Variants in AHRR observed in about 807,000 individuals in gnomAD.
AHRR encodes the protein aryl hydrocarbon receptor repressor.
AHRR carries 28 observed loss-of-function variants against 44.0 expected under a neutral mutation model. That is an observed-to-expected ratio of 0.64 (90% CI 0.47 to 0.87). AHRR has a LOEUF of 0.87. AHRR is among the 40% of genes least tolerant of loss of function. The pLI, the probability that AHRR is intolerant of heterozygous loss-of-function variation, is 0.00. For synonymous variants in AHRR, 434 were observed against 407.0 expected (o/e 1.07, Z -0.80); for missense variants, 990 against 953.9 (o/e 1.04, Z -0.50).
Position 400,146 on chromosome 5 carries a change from G to A in AHRR, c.352-13198G>A, listed in dbSNP as rs927181238. Among the ~76,000 whole-genome samples the A allele has an allele frequency of 5.7e-4, 87 of 152,230 alleles. 4 individuals carry two copies. The highest frequency in any genetic ancestry group is 2.9e-5 in the Non-Finnish European group (2 of 68,040). On this transcript the variant is annotated intron_variant, in intron 4 of 10. Coordinates refer to ENST00000684583, the MANE Select transcript of AHRR (RefSeq NM_001377236.1). Reference sequence around the variant, plus strand: ...ACTCCCAACTTCCCTTTACTCCGAGGAGGGGCAGCCAGGGGGATGTGGAGG... The same window carrying A: ...ACTCCCAACTTCCCTTTACTCCGAGAAGGGGCAGCCAGGGGGATGTGGAGG...
chr5:389,664 G>A (rs573588213), intron 4 of AHRR, among the ~76,000 whole-genome samples: 7 of 152,044 alleles, frequency 4.6e-5, no homozygotes, highest in South Asian at 2.1e-4. Context: ...AGCACTGCAC[G>A]CCTCCACCAC....
At chr5:360,811 T>G (rs1326851665) in intron 3 of AHRR, among the ~76,000 whole-genome samples, 1 of 152,182 alleles carries the variant, frequency 6.6e-6, no homozygotes, top group Non-Finnish European at 1.5e-5. Context: ...GCTGGTGAGA[T>G]TTCTAAGCAA....
intron 8 of AHRR, among the ~76,000 whole-genome samples, chr5:428,360 G>A (rs911907626): frequency 1.3e-5 from 2 of 152,330 alleles, no homozygotes; most frequent in Middle Eastern, 3.4e-3. Context: ...CCTTCACACC[G>A]TCTGTCTATG....
intron 4 of AHRR, among the ~76,000 whole-genome samples, chr5:393,541 G>A (rs184356265): frequency 5.5e-4 from 84 of 152,350 alleles, no homozygotes; most frequent in Admixed American, 1.1e-3. Flanking sequence ...GCAGGGCCAC[G>A]TGGCCTTGCT....
chr5:432,410 A>C, intron 8 of AHRR, 53 bp from the exon 9 acceptor site: 3 of 1,551,960 alleles, frequency 1.9e-6, no homozygotes, highest in Non-Finnish European at 2.7e-6. Flanking sequence ...TTTCATCCAC[A>C]TGTCATCTTG....
At chr5:345,507 A>T (rs1467585858) in intron 2 of AHRR, among the ~76,000 whole-genome samples, 10 of 11,882 alleles carry the variant, frequency 8.4e-4, no homozygotes, top group African/African-American at 2.4e-3. Context: ...TGTGGGGGGG[A>T]GGGGGTGTGT....
chr5:344,085 C>T (rs570432396), intron 2 of AHRR, 121 bp downstream of exon 2: 1 of 1,100,390 alleles, frequency 9.1e-7, no homozygotes, highest in Non-Finnish European at 1.3e-6. Context: ...GGGAGCCGGG[C>T]GGGCCGGGGC....
chr5:339,307 G>C (rs1260302111), intron 1 of AHRR, among the ~76,000 whole-genome samples: 1 of 152,072 alleles, frequency 6.6e-6, no homozygotes, highest in Admixed American at 6.6e-5. Flanking sequence ...GTTTTGTAGA[G>C]ATAGGGTCTT....
intron 1 of AHRR, among the ~76,000 whole-genome samples, chr5:331,971 C>T (rs1461580583): frequency 1.3e-5 from 2 of 152,178 alleles, no homozygotes; most frequent in Non-Finnish European, 2.9e-5. Flanking sequence ...CCTCTTAGCA[C>T]TGCTTTTGCT....
intron 3 of AHRR, 56 bp from the exon 4 acceptor site, chr5:376,554 A>ATGTGAATGAATG (rs1560898263): frequency 4.0e-5 from 12 of 303,010 alleles, no homozygotes; most frequent in South Asian, 9.6e-5. Context: ...GTGAATGAAG[A>ATGTGAATGAATG]AGAGTGGCCA....
At chr5:403,819 G>A (rs1735137693) in intron 4 of AHRR, 3 of 1,526,356 alleles carry the variant, frequency 2.0e-6, no homozygotes, top group African/African-American at 1.4e-5. Context: ...TTCTCGATAT[G>A]CCTTCTCTTC....
intron 5 of AHRR, among the ~76,000 whole-genome samples, chr5:415,561 CCGAATCTGCCTGGTCTGCTG>C (rs1560916188): frequency 2.1e-5 from 3 of 146,182 alleles, no homozygotes; most frequent in Non-Finnish European, 3.0e-5. Flanking sequence ...GGCCTAGGGG[CCGAATCTGCCTGGTCTGCTG>C]GGAGGCCTAG....
At chr5:433,433 G>T (rs1356226483) in intron 10 of AHRR, among the ~76,000 whole-genome samples, 2 of 152,214 alleles carry the variant, frequency 1.3e-5, no homozygotes, top group African/African-American at 4.8e-5. Context: ...AAGGCACGTG[G>T]TGTCCTGTTG....
intron 1 of AHRR, among the ~76,000 whole-genome samples, chr5:341,881 C>G (rs1008676999): frequency 1.3e-5 from 2 of 152,132 alleles, no homozygotes; most frequent in Non-Finnish European, 2.9e-5. Flanking sequence ...CTGCATCCCA[C>G]AAAGTCTGAT....
intron 8 of AHRR, among the ~76,000 whole-genome samples, chr5:431,250 C>T (rs1303957766): frequency 6.6e-6 from 1 of 152,250 alleles, no homozygotes; most frequent in Non-Finnish European, 1.5e-5. Flanking sequence ...GGTCACAGCG[C>T]TCCTCCTGCG....
At chr5:422,192 C>A (rs566994772) in intron 5 of AHRR, among the ~76,000 whole-genome samples, 25 of 152,216 alleles carry the variant, frequency 1.6e-4, no homozygotes, top group African/African-American at 6.0e-4. Flanking sequence ...AGACATGGAC[C>A]CTGGGTGCCT....
intron 8 of AHRR, among the ~76,000 whole-genome samples, chr5:429,412 C>T (rs536923100): frequency 6.6e-6 from 1 of 152,344 alleles, no homozygotes; most frequent in South Asian, 2.1e-4. Flanking sequence ...GTTGCCGCTC[C>T]TGCCACTTCC....
chr5:423,825 C>G lies in AHRR; in HGVS notation c.572-16C>G. 2.5e-6 allele frequency: 4 copies of G among 1,590,066 alleles called. No homozygotes were observed. Among genetic ancestry groups the G allele is most frequent in the Non-Finnish European group, 3.4e-6 (4 of 1,170,940 alleles). ...CTTCTCCCACCGCCACGCCCCTTGG[C>G]CCCTATGGTCTGCAGGAGATGATGC... is the stretch of plus-strand genomic sequence containing the variant. On this transcript the variant is annotated splice_polypyrimidine_tract_variant and intron_variant, in intron 6 of 10. Transcript: ENST00000684583.
Position 345,441 on chromosome 5 carries a change from G to T in AHRR, c.62+1477G>T, listed in dbSNP as rs113875623. On this transcript the variant is annotated intron_variant, in intron 2 of 10. Coordinates refer to ENST00000684583, the MANE Select transcript of AHRR (RefSeq NM_001377236.1). ...GTGTGTGTGTGGGTGTGCGTGTGTGGGTGTGTGTGTGTGTGTGTCGGATGA... is the reference window on the plus strand; with the variant it reads ...GTGTGTGTGTGGGTGTGCGTGTGTGTGTGTGTGTGTGTGTGTGTCGGATGA... Among the ~76,000 whole-genome samples, 525 of 81,486 alleles carry T rather than the reference G, an allele frequency of 6.4e-3. 6 individuals are homozygous for T. Among genetic ancestry groups the T allele is most frequent in the Middle Eastern group, 0.032 (4 of 124 alleles). The allele number at this position is 81,486 out of a possible 152,430, so 53.5% of individuals were successfully genotyped here.
Sources: allele counts gnomAD v4.1 joint callset (sites outside exome capture counted in the v4.1 genomes callset), GRCh38; gene constraint gnomAD v4.1.1; transcripts MANE v1.5; gene names NCBI Gene and HGNC (gene_info 2026-07-23, HGNC 2026-07-21).